Variants in FRMD3 observed in about 807,000 individuals in gnomAD.
FRMD3 encodes the protein FERM domain-containing protein 3.
A neutral mutation model predicts 70.2 loss-of-function variants in FRMD3; 33 were observed. That is an observed-to-expected ratio of 0.47 (90% CI 0.36 to 0.63). FRMD3 has a LOEUF of 0.63. Among genes scored for constraint, FRMD3 ranks in the 20% least tolerant of loss-of-function variants. The probability of loss-of-function intolerance (pLI) is 0.00; values close to 1 mark genes in which losing one functional copy is unlikely to be tolerated. For synonymous variants in FRMD3, 279 were observed against 255.9 expected, an observed-to-expected ratio of 1.09 and a Z score of -0.86; for missense variants, 632 against 711.4, an observed-to-expected ratio of 0.89 and a Z score of 1.27.
chr9:83,495,829 C>T (rs1254300742), intron 1 of FRMD3, among the ~76,000 whole-genome samples: 1 of 152,190 alleles, frequency 6.6e-6, no homozygotes, highest in Admixed American at 6.5e-5. Flanking sequence ...CAGCTCAAGG[C>T]AGGACTAACA....
chr9:83,493,724 C>T (rs931909418), intron 1 of FRMD3, among the ~76,000 whole-genome samples: 2 of 152,170 alleles, frequency 1.3e-5, no homozygotes, highest in Non-Finnish European at 2.9e-5. Flanking sequence ...TCACAGAACC[C>T]CCATAAACAT....
the FRMD3 span, among the ~76,000 whole-genome samples, chr9:83,550,962 C>A: frequency 6.6e-6 from 1 of 152,044 alleles, no homozygotes; most frequent in African/African-American, 2.4e-5. Flanking sequence ...TTTGTACACC[C>A]TTTATTTCTT....
intron 1 of FRMD3, among the ~76,000 whole-genome samples, chr9:83,413,100 A>T (rs1353530554): frequency 1.3e-5 from 2 of 152,206 alleles, no homozygotes; most frequent in African/African-American, 4.8e-5. Context: ...ATTCTTCACT[A>T]TTTAGTGGGC....
intron 5 of FRMD3, among the ~76,000 whole-genome samples, chr9:83,336,235 T>C (rs747238356): frequency 1.3e-4 from 20 of 152,196 alleles, no homozygotes; most frequent in Non-Finnish European, 2.5e-4. Flanking sequence ...GTAATGTATA[T>C]GTAAAGCTCG....
chr9:83,327,074 C>T (rs1836047269), intron 6 of FRMD3, among the ~76,000 whole-genome samples: 1 of 152,174 alleles, frequency 6.6e-6, no homozygotes, highest in Admixed American at 6.5e-5. Context: ...CAGCAATGAG[C>T]TGGACTGCTT....
chr9:83,309,653 G>T (rs1835276111), intron 9 of FRMD3, 29 bp from the exon 10 acceptor site: 1 of 1,434,162 alleles, frequency 7.0e-7, no homozygotes, highest in Non-Finnish European at 9.6e-7. Flanking sequence ...AACAAGAAAA[G>T]GCACGTAAAA....
At chr9:83,504,351 T>C (rs148438689) in intron 1 of FRMD3, among the ~76,000 whole-genome samples, 102 of 152,310 alleles carry the variant, frequency 6.7e-4, no homozygotes, top group African/African-American at 2.2e-3. Flanking sequence ...ACAGAGCAAG[T>C]GCATGATCCT....
intron 3 of FRMD3, among the ~76,000 whole-genome samples, chr9:83,356,497 C>T (rs1587764782): frequency 6.6e-6 from 1 of 151,562 alleles, no homozygotes; most frequent in South Asian, 2.1e-4. Context: ...AGGATGGTCT[C>T]GATCTCCTGA....
intron 3 of FRMD3, among the ~76,000 whole-genome samples, chr9:83,359,698 T>G (rs1330467747): frequency 6.6e-6 from 1 of 152,200 alleles, no homozygotes; most frequent in Non-Finnish European, 1.5e-5. Context: ...TATCTTTTGG[T>G]TTTTTTCAAC....
chr9:83,482,987 G>T (rs1828604273), intron 1 of FRMD3, among the ~76,000 whole-genome samples: 1 of 152,208 alleles, frequency 6.6e-6, no homozygotes, highest in South Asian at 2.1e-4. Context: ...CTCCTTGATG[G>T]CAGATGTGGC....
At chr9:83,357,294 T>TA (rs1824431383) in intron 3 of FRMD3, among the ~76,000 whole-genome samples, 1 of 86,492 alleles carries the variant, frequency 1.2e-5, no homozygotes, top group African/African-American at 4.2e-5. Context: ...TATATATATA[T>TA]ATAAAACATT....
At chr9:83,262,823 G>A (rs936247728) in intron 13 of FRMD3, among the ~76,000 whole-genome samples, 7 of 152,034 alleles carry the variant, frequency 4.6e-5, no homozygotes, top group South Asian at 2.1e-4. Context: ...CCCCACTCCC[G>A]GACTGAGATA....
rs1307968882 is a variant in FRMD3, at chr9:83,245,314, T to A, written c.*2604A>T. On this transcript the variant is annotated 3_prime_UTR_variant, in exon 14 of 14. Coordinates refer to ENST00000304195, the MANE Select transcript of FRMD3 (RefSeq NM_174938.6). ...ATCTCTGGAAGCAGGCTTTTCCTCA[T>A]TCGATTCAGGCAACTGGTGACTATC... is the stretch of plus-strand genomic sequence containing the variant. The A allele has an allele frequency of 5.1e-6, 5 of 985,334 alleles. No individual in the cohort carries two copies. 61.0% of individuals were successfully genotyped at this position (985,334 alleles called of 1,614,324 possible).
chr9:83,550,357 T>C, the FRMD3 span, among the ~76,000 whole-genome samples: 1 of 152,190 alleles, frequency 6.6e-6, no homozygotes. Context: ...AGACTTGTAG[T>C]ATACTTTGAA....
chr9:83,438,304 A>G (rs1202657714), intron 1 of FRMD3, among the ~76,000 whole-genome samples: 5 of 152,254 alleles, frequency 3.3e-5, no homozygotes, highest in African/African-American at 4.8e-5. Flanking sequence ...GGAGAAAATC[A>G]TACTTGTGAC....
At chr9:83,331,881 T>C (rs1823387881) in intron 6 of FRMD3, 3 of 717,348 alleles carry the variant, frequency 4.2e-6, no homozygotes, top group Non-Finnish European at 7.8e-6. Flanking sequence ...TGCATTTCCT[T>C]GATCCTGGGT....
intron 6 of FRMD3, among the ~76,000 whole-genome samples, chr9:83,330,335 A>C (rs1429422738): frequency 1.5e-5 from 2 of 136,604 alleles, no homozygotes; most frequent in Non-Finnish European, 3.3e-5. Flanking sequence ...AAAAAAAAAA[A>C]AACAAAAAAA....
At chr9:83,455,191 G>A (rs1007028157) in intron 1 of FRMD3, among the ~76,000 whole-genome samples, 4 of 152,086 alleles carry the variant, frequency 2.6e-5, no homozygotes, top group African/African-American at 9.7e-5. Context: ...TGACCCCACT[G>A]AATTAATGTG....
chr9:83,529,439 T>A (rs189009765), intron 1 of FRMD3, among the ~76,000 whole-genome samples: 23 of 152,344 alleles, frequency 1.5e-4, no homozygotes, highest in African/African-American at 5.3e-4. Flanking sequence ...TATGAATATA[T>A]GAAAATCAGC....
Sources: allele counts gnomAD v4.1 joint callset (sites outside exome capture counted in the v4.1 genomes callset), GRCh38; gene constraint gnomAD v4.1.1; transcripts MANE v1.5; gene names NCBI Gene and HGNC (gene_info 2026-07-23, HGNC 2026-07-21).